The following COX7B2 variants were observed in gnomAD, a reference collection of about 807,000 sequenced individuals.
COX7B2 encodes the protein cytochrome c oxidase subunit 7B2, mitochondrial.
For missense variants in COX7B2, 109 were observed against 95.9 expected, an observed-to-expected ratio of 1.14 and a Z score of -0.57; for synonymous variants, 37 against 32.1, an observed-to-expected ratio of 1.15 and a Z score of -0.51.
chr4:46,839,915 C>A (rs1304277413), intron 2 of COX7B2, among the ~76,000 whole-genome samples: 1 of 151,906 alleles, frequency 6.6e-6, no homozygotes, highest in Non-Finnish European at 1.5e-5. Flanking sequence ...GAAACTTATA[C>A]CATTAACTTT....
chr4:46,873,666 T>C (rs1718143933), intron 1 of COX7B2, among the ~76,000 whole-genome samples: 1 of 152,178 alleles, frequency 6.6e-6, no homozygotes, highest in Admixed American at 6.5e-5. Flanking sequence ...AATTTTGCTA[T>C]TACTATTTTT....
chr4:46,762,788 TG>T (rs1716265691), intron 2 of COX7B2, among the ~76,000 whole-genome samples: 1 of 147,966 alleles, frequency 6.8e-6, no homozygotes, highest in South Asian at 2.1e-4. Flanking sequence ...CATATACATA[TG>T]AAAAAAAGGG....
chr4:46,829,443 GTTTAT>G (rs1331991420), intron 2 of COX7B2, among the ~76,000 whole-genome samples: 1 of 151,800 alleles, frequency 6.6e-6, no homozygotes, highest in Admixed American at 6.5e-5. Flanking sequence ...TTGAAAATAA[GTTTAT>G]TTTAACATGC....
chr4:46,857,031 A>C (rs1230326786), intron 1 of COX7B2, among the ~76,000 whole-genome samples: 2 of 152,212 alleles, frequency 1.3e-5, no homozygotes, highest in Non-Finnish European at 1.5e-5. Context: ...AAAAACTAAA[A>C]ACTTTGCCAT....
intron 2 of COX7B2, among the ~76,000 whole-genome samples, chr4:46,815,714 T>A (rs1167810472): frequency 1.3e-5 from 2 of 152,226 alleles, no homozygotes; most frequent in Non-Finnish European, 2.9e-5. Flanking sequence ...GTAATCCTTT[T>A]ATTTTCTATT....
At chr4:46,806,829 T>C (rs1370121923) in intron 2 of COX7B2, among the ~76,000 whole-genome samples, 1 of 152,074 alleles carries the variant, frequency 6.6e-6, no homozygotes, top group African/African-American at 2.4e-5. Flanking sequence ...GGCTAATCCA[T>C]GTTATAACAA....
intron 2 of COX7B2, among the ~76,000 whole-genome samples, chr4:46,755,987 A>T (rs1371801088): frequency 6.6e-6 from 1 of 152,108 alleles, no homozygotes; most frequent in Non-Finnish European, 1.5e-5. Flanking sequence ...GAACCAAAAA[A>T]TGGCCCAAAT....
intron 2 of COX7B2, among the ~76,000 whole-genome samples, chr4:46,837,126 A>G (rs1715566128): frequency 6.6e-6 from 1 of 152,038 alleles, no homozygotes; most frequent in African/African-American, 2.4e-5. Context: ...AAGTGTGCCT[A>G]AAGATCTTTA....
At chr4:46,871,360 A>G (rs1431264562) in intron 1 of COX7B2, among the ~76,000 whole-genome samples, 2 of 152,102 alleles carry the variant, frequency 1.3e-5, no homozygotes, top group Non-Finnish European at 2.9e-5. Context: ...ATTAAATTAA[A>G]CGTAAAACCC....
At chr4:46,816,693 C>T (rs890553862) in intron 2 of COX7B2, among the ~76,000 whole-genome samples, 1 of 152,080 alleles carries the variant, frequency 6.6e-6, no homozygotes, top group South Asian at 2.1e-4. Context: ...AAACAATCTG[C>T]TGCAAATAAT....
At chr4:46,848,697 A>ATTTGG (rs1716459655) in intron 1 of COX7B2, among the ~76,000 whole-genome samples, 1 of 152,074 alleles carries the variant, frequency 6.6e-6, no homozygotes, top group Non-Finnish European at 1.5e-5. Context: ...ACACATCCAA[A>ATTTGG]ATGTGTCCCT....
intron 1 of COX7B2, among the ~76,000 whole-genome samples, chr4:46,895,255 A>G (rs1344773045): frequency 6.6e-6 from 1 of 152,218 alleles, no homozygotes; most frequent in Admixed American, 6.5e-5. Context: ...CATCAATAAC[A>G]GATTGAATAA....
chr4:46,829,635 A>G (rs1714932187), intron 2 of COX7B2, among the ~76,000 whole-genome samples: 1 of 152,180 alleles, frequency 6.6e-6, no homozygotes, highest in Admixed American at 6.5e-5. Flanking sequence ...ACTTATTATT[A>G]AAGAAGGGGA....
At chr4:46,906,309 T>A (rs1720392465) in intron 1 of COX7B2, among the ~76,000 whole-genome samples, 2 of 152,320 alleles carry the variant, frequency 1.3e-5, no homozygotes, top group South Asian at 4.1e-4. Context: ...AGCCTGAGCC[T>A]CCAGGGGCCC....
At chr4:46,880,416 T>TA (rs1293352136) in intron 1 of COX7B2, among the ~76,000 whole-genome samples, 1 of 120,106 alleles carries the variant, frequency 8.3e-6, no homozygotes, top group Non-Finnish European at 1.9e-5. Flanking sequence ...CCTGGGCTTT[T>TA]TTTTTTTTTT....
At position 46,786,773 on chromosome 4, in the gene COX7B2, T is replaced by A. The variant is rs142911606; in HGVS notation, c.-49-51532A>T. On this transcript the variant is annotated intron_variant, in intron 2 of 2. Coordinates refer to ENST00000355591, the MANE Select transcript of COX7B2 (RefSeq NM_130902.3). ...AGGGAGGAAAGTAGCAAGGTAGGGA[T>A]GCCCGGCTAGAGAAAAAGATGCCTG... is the stretch of plus-strand genomic sequence containing the variant. Among the ~76,000 whole-genome samples the A allele has an allele frequency of 1.6e-3, 247 of 152,270 alleles. 1 individual carries two copies. The highest frequency in any genetic ancestry group is 5.9e-3 in the African/African-American group (246 of 41,550).
Position 46,769,845 on chromosome 4 carries a change from GA to G in COX7B2, c.-49-34605del, listed in dbSNP as rs1439533136. The stretch of plus-strand genomic sequence containing the variant: ...ATTAGGTATAGAAAGAATGTTCCTC[GA>G]AAAAATAAAGACCATATACAATAAG... On this transcript the variant is annotated intron_variant, in intron 2 of 2. Transcript: ENST00000355591. 2.0e-5 allele frequency among the ~76,000 whole-genome samples: 3 copies of G among 152,004 alleles called. No individual in the cohort carries two copies. In the East Asian group the frequency reaches 5.8e-4, roughly 29 times the overall value.
chr4:46,834,908 T>C (rs1416273008), intron 2 of COX7B2, among the ~76,000 whole-genome samples: 3 of 152,078 alleles, frequency 2.0e-5, no homozygotes, highest in Non-Finnish European at 4.4e-5. Context: ...ACTAATATGC[T>C]AGGCAATGTG....
rs781772497 is a variant in COX7B2, at chr4:46,870,549, G to A, written c.-104-25535C>T. Among the ~76,000 whole-genome samples, 13 of 152,220 alleles carry A rather than the reference G, an allele frequency of 8.5e-5. No homozygotes were observed. In the East Asian group the frequency reaches 1.7e-3, roughly 20 times the overall value. On this transcript the variant is annotated intron_variant, in intron 1 of 2. Coordinates refer to ENST00000355591, the MANE Select transcript of COX7B2 (RefSeq NM_130902.3). Reference sequence around the variant, plus strand: ...GAAGAGAGGAAGTCAAACTATCTCCGTTTGCAGATGACATGATTCAGTATC... The same window carrying A: ...GAAGAGAGGAAGTCAAACTATCTCCATTTGCAGATGACATGATTCAGTATC...
Sources: gnomAD v4.1 joint callset for allele counts (sites outside exome capture counted in the v4.1 genomes callset) on GRCh38, gnomAD v4.1.1 for gene constraint, MANE v1.5 for transcripts, NCBI Gene and HGNC (gene_info 2026-07-23, HGNC 2026-07-21) for gene names.